PSMB7: variants seen among roughly 807,000 people sequenced by gnomAD.
PSMB7 encodes the protein proteasome subunit beta type-7.
Under a neutral mutation model 28.1 loss-of-function variants are expected in PSMB7, and 5 were observed. The observed-to-expected ratio is 0.18, with a 90% confidence interval of 0.09 to 0.37. PSMB7 has a LOEUF of 0.37. PSMB7 is among the 10% of genes least tolerant of loss of function. The probability of loss-of-function intolerance (pLI) is 1.00; values close to 1 mark genes in which losing one functional copy is unlikely to be tolerated. For missense variants in PSMB7, 275 were observed against 346.2 expected, an observed-to-expected ratio of 0.79 and a Z score of 1.63; for synonymous variants, 122 against 123.7, an observed-to-expected ratio of 0.99 and a Z score of 0.09.
intron 4 of PSMB7, among the ~76,000 whole-genome samples, chr9:124,406,821 C>A (rs1160253103): frequency 6.6e-6 from 1 of 151,844 alleles, no homozygotes; most frequent in Non-Finnish European, 1.5e-5. Flanking sequence ...TCTATAGATT[C>A]CTTTCCCTGT....
intron 4 of PSMB7, among the ~76,000 whole-genome samples, chr9:124,412,060 A>G (rs541409261): frequency 3.3e-5 from 5 of 152,316 alleles, no homozygotes; most frequent in Non-Finnish European, 4.4e-5. Context: ...TCCTCCAGCT[A>G]TAACTTTCTT....
intron 6 of PSMB7, among the ~76,000 whole-genome samples, chr9:124,375,572 A>AC (rs1191347169): frequency 6.6e-6 from 1 of 152,144 alleles, no homozygotes; most frequent in Non-Finnish European, 1.5e-5. Context: ...ACCAAATATA[A>AC]CCTTAAAACC....
In PSMB7 at chr9:124,374,645, T is replaced by C. The variant is rs145508270; in HGVS notation, c.570+9953A>G. ...TTCAAGACTAGCCTGGACAGCATAGTGAGACCGCTTATCTAAAAATTTTTT... is the reference window on the plus strand; with the variant it reads ...TTCAAGACTAGCCTGGACAGCATAGCGAGACCGCTTATCTAAAAATTTTTT... On this transcript the variant is annotated intron_variant, in intron 6 of 7. Coordinates refer to ENST00000259457, the MANE Select transcript of PSMB7 (RefSeq NM_002799.4). Among the ~76,000 whole-genome samples, 882 of 152,138 alleles carry C rather than the reference T, an allele frequency of 5.8e-3. 6 individuals are homozygous for C. The highest frequency in any genetic ancestry group is 1.0e-2 in the Non-Finnish European group (680 of 68,004).
At chr9:124,375,325 T>C (rs1047412973) in intron 6 of PSMB7, among the ~76,000 whole-genome samples, 1 of 152,098 alleles carries the variant, frequency 6.6e-6, no homozygotes, top group African/African-American at 2.4e-5. Flanking sequence ...CATACCCGGC[T>C]AATTTTTTCT....
At chr9:124,410,598 T>C (rs569648477) in intron 4 of PSMB7, among the ~76,000 whole-genome samples, 2 of 152,368 alleles carry the variant, frequency 1.3e-5, no homozygotes, top group South Asian at 2.1e-4. Flanking sequence ...CTCACTGTAC[T>C]GGGAGAATTT....
chr9:124,385,843 A>G (rs1293544929), intron 5 of PSMB7, among the ~76,000 whole-genome samples: 1 of 152,230 alleles, frequency 6.6e-6, no homozygotes, highest in Non-Finnish European at 1.5e-5. Context: ...GCATTGAGAA[A>G]ATACAGACTA....
intron 7 of PSMB7, 129 bp from the exon 8 acceptor site, chr9:124,353,838 C>A: frequency 1.4e-6 from 1 of 710,476 alleles, no homozygotes; most frequent in South Asian, 1.6e-5. Context: ...TCTCCCGATC[C>A]CAGCTCTGTG....
At chr9:124,414,766 A>C in intron 2 of PSMB7, 76 bp downstream of exon 2, 1 of 1,249,676 alleles carries the variant, frequency 8.0e-7, no homozygotes, top group Non-Finnish European at 1.2e-6. Context: ...CCGAGCCGGG[A>C]GAGACACCGG....
chr9:124,411,215 G>A (rs192363211), intron 4 of PSMB7, among the ~76,000 whole-genome samples: 34 of 152,120 alleles, frequency 2.2e-4, no homozygotes, highest in African/African-American at 6.0e-4. Flanking sequence ...CAGGTGATCC[G>A]CCAACCTTGG....
In PSMB7 at chr9:124,415,369, G is replaced by A; in HGVS notation, c.57C>T (p.Cys19=). The change falls in exon 1 of 8, where the codon TGC becomes TGT. Residue 19 remains cysteine (C), a synonymous_variant. Coordinates refer to ENST00000259457, the MANE Select transcript of PSMB7 (RefSeq NM_002799.4). ...AGCCCCAAGCAAGGCGGCACCTGCG[G>A]CAGTTATCAAAAGAGAAGCCTCCAA... ...PPVGGFSFDN[C]RRNAVLEADF... 1.9e-6 allele frequency: 3 copies of A among 1,614,008 alleles called. No homozygotes were observed. The highest frequency in any genetic ancestry group is 1.7e-6 in the Non-Finnish European group (2 of 1,180,004).
chr9:124,396,421 TTC>T (rs1830844408), intron 5 of PSMB7, among the ~76,000 whole-genome samples: 1 of 152,232 alleles, frequency 6.6e-6, no homozygotes, highest in Admixed American at 6.5e-5. Context: ...AATTGTAAGA[TTC>T]TTCTGCCCAC....
At position 124,356,754 on chromosome 9, in the gene PSMB7, CT is replaced by C. The variant is rs749322573; in HGVS notation, c.722+9del. 1 of 1,606,764 alleles carries C rather than the reference CT, an allele frequency of 6.2e-7. No homozygotes were observed. Among genetic ancestry groups the C allele is most frequent in the South Asian group, 1.1e-5 (1 of 90,538 alleles). The stretch of plus-strand genomic sequence containing the variant: ...GGGGACCCAGGAAGAACTTCGTCTC[CT>C]TCACTCACCTGGTCCCCTTCTTGTT... On this transcript the variant is annotated intron_variant, in intron 7 of 7. Transcript: ENST00000259457. The surrounding 1 kb of genome is among the most constrained non-coding windows in gnomAD (Gnocchi z 4.4).
chr9:124,402,000 C>T (rs1156856898), intron 5 of PSMB7, among the ~76,000 whole-genome samples: 2 of 145,568 alleles, frequency 1.4e-5, no homozygotes, highest in Non-Finnish European at 3.0e-5. Context: ...GACCGGGTGA[C>T]AGTGCGAGAC....
Position 124,353,494 on chromosome 9 carries a change from ATTGAG to A in PSMB7, c.*99_*103del, listed in dbSNP as rs752887603. On this transcript the variant is annotated 3_prime_UTR_variant, in exon 8 of 8. Coordinates refer to ENST00000259457, the MANE Select transcript of PSMB7 (RefSeq NM_002799.4). ...CTGCCCAATTTGGTTTTTGTTTTTTATTGAGTTGAGTTTCATTCGGCAAACACTAG... is the reference window on the plus strand; with the variant it reads ...CTGCCCAATTTGGTTTTTGTTTTTTATTGAGTTTCATTCGGCAAACACTAG... 2.4e-5 allele frequency: 22 copies of A among 922,542 alleles called. No individual in the cohort carries two copies. The highest frequency in any genetic ancestry group is 3.3e-4 in the Middle Eastern group (1 of 3,034). The allele number at this position is 922,542 out of a possible 1,614,324, so 57.1% of individuals were successfully genotyped here. A position where few individuals can be genotyped will look rare whatever the true frequency, so the allele number is the denominator to read the frequency against.
intron 6 of PSMB7, among the ~76,000 whole-genome samples, chr9:124,381,424 TGTGA>T (rs1246168794): frequency 3.3e-5 from 5 of 152,232 alleles, no homozygotes; most frequent in Non-Finnish European, 5.9e-5. Flanking sequence ...AGCAATTCTC[TGTGA>T]GTGAGTGGCA....
At chr9:124,365,409 G>C (rs867647577) in intron 6 of PSMB7, among the ~76,000 whole-genome samples, 24 of 152,322 alleles carry the variant, frequency 1.6e-4, no homozygotes, top group African/African-American at 5.1e-4. Context: ...GGCAGGAAGA[G>C]AGCCATGAAC....
chr9:124,396,181 A>G (rs1443578535), intron 5 of PSMB7, among the ~76,000 whole-genome samples: 1 of 152,230 alleles, frequency 6.6e-6, no homozygotes, highest in Non-Finnish European at 1.5e-5. Flanking sequence ...TGCCATCTTA[A>G]AGTGCACTAA....
At chr9:124,375,538 C>A (rs1366227046) in intron 6 of PSMB7, among the ~76,000 whole-genome samples, 2 of 152,066 alleles carry the variant, frequency 1.3e-5, no homozygotes, top group Admixed American at 1.3e-4. Flanking sequence ...CCCAGACAAA[C>A]GAGATACCGA....
chr9:124,364,199 T>G (rs572311274), intron 6 of PSMB7, among the ~76,000 whole-genome samples: 4 of 152,266 alleles, frequency 2.6e-5, no homozygotes, highest in South Asian at 2.1e-4. Flanking sequence ...ATGAGGAAAC[T>G]GGGGCTCTCA....
Sources: gnomAD v4.1 joint callset for allele counts (sites outside exome capture counted in the v4.1 genomes callset) on GRCh38, gnomAD v4.1.1 for gene constraint, Gnocchi (gnomAD v3.1) non-coding constraint, MANE v1.5 for transcripts, NCBI Gene and HGNC (gene_info 2026-07-23, HGNC 2026-07-21) for gene names.